Variants in SRGAP3 observed in about 807,000 individuals in gnomAD.
SRGAP3 encodes SLIT-ROBO Rho GTPase activating protein 3, also known as SLIT-ROBO Rho GTPase-activating protein 3.
In SRGAP3, 39 loss-of-function variants were observed where a neutral mutation model predicts 121.1. That is an observed-to-expected ratio of 0.32 (90% CI 0.25 to 0.42). The LOEUF (loss-of-function observed/expected upper bound fraction) is 0.42, where lower values mean the gene tolerates loss of function less well. Ranked by LOEUF, SRGAP3 falls within the 10% of genes least tolerant of loss-of-function variation. SRGAP3 has a pLI of 1.00. For missense variants in SRGAP3, 1,213 were observed against 1,470.6 expected (o/e 0.82, Z 2.86); for synonymous variants, 601 against 570.0 (o/e 1.05, Z -0.77).
intron 17 of SRGAP3, among the ~76,000 whole-genome samples, chr3:9,011,884 A>G (rs1288497746): frequency 6.6e-6 from 1 of 152,262 alleles, no homozygotes; most frequent in African/African-American, 2.4e-5. Context: ...AATAGGATTA[A>G]GAAAAGTGTG....
chr3:9,229,766 T>G (rs1013005065), intron 1 of SRGAP3, among the ~76,000 whole-genome samples: 1 of 152,218 alleles, frequency 6.6e-6, no homozygotes, highest in African/African-American at 2.4e-5. Flanking sequence ...GTAGCTTCTT[T>G]CAATGAGTGG....
intron 1 of SRGAP3, among the ~76,000 whole-genome samples, chr3:9,240,706 T>A (rs1953600284): frequency 6.6e-6 from 1 of 152,130 alleles, no homozygotes; most frequent in South Asian, 2.1e-4. Flanking sequence ...AATTTCCACA[T>A]CTGAAAAACA....
intron 1 of SRGAP3, among the ~76,000 whole-genome samples, chr3:9,138,960 C>T (rs185716850): frequency 6.7e-6 from 1 of 149,808 alleles, no homozygotes; most frequent in African/African-American, 2.5e-5. Context: ...CAGTAGTGCT[C>T]ATGCCTCATC....
intron 3 of SRGAP3, among the ~76,000 whole-genome samples, chr3:9,275,776 T>C (rs142137751): frequency 0.015 from 2,249 of 152,294 alleles, 27 homozygotes; most frequent in South Asian, 0.043. Context: ...AACCTCTTTT[T>C]CTTTAAAAAT....
chr3:9,138,982 G>C (rs577641326), intron 1 of SRGAP3, among the ~76,000 whole-genome samples: 1 of 152,170 alleles, frequency 6.6e-6, no homozygotes, highest in Non-Finnish European at 1.5e-5. Context: ...TCAAGAAACA[G>C]TGATTGGCCC....
At chr3:9,346,998 C>G (rs139336520) in intron 1 of SRGAP3, among the ~76,000 whole-genome samples, 1 of 151,934 alleles carries the variant, frequency 6.6e-6, no homozygotes, top group Non-Finnish European at 1.5e-5. Context: ...TCAGGTGATC[C>G]GCCCAGGCTA....
intron 3 of SRGAP3, among the ~76,000 whole-genome samples, chr3:9,313,114 C>T (rs1349611922): frequency 6.6e-6 from 1 of 152,226 alleles, no homozygotes; most frequent in African/African-American, 2.4e-5. Context: ...CAGCCACACT[C>T]CTCTCCCAAG....
intron 18 of SRGAP3, 87 bp downstream of exon 18, chr3:9,010,221 G>T: frequency 6.8e-7 from 1 of 1,470,728 alleles, no homozygotes; most frequent in Non-Finnish European, 9.5e-7. Context: ...AGAGGTCTAT[G>T]TGGGCCAGCC....
At position 9,095,621 on chromosome 3, in the gene SRGAP3, G is replaced by A. The variant is rs115075422; in HGVS notation, c.423+9059C>T. On this transcript the variant is annotated intron_variant, in intron 3 of 21. Transcript: ENST00000383836. The stretch of plus-strand genomic sequence containing the variant: ...CTTTGATCTGTAATGCACCACTGTC[G>A]TTTACCAAGTTTCCATTTATGGAGG... Among the ~76,000 whole-genome samples, 870 of 152,222 alleles carry A rather than the reference G, an allele frequency of 5.7e-3. 3 individuals are homozygous for A. The highest frequency in any genetic ancestry group is 0.014 in the Middle Eastern group (4 of 294).
chr3:9,285,876 G>C (rs190583411), intron 3 of SRGAP3, among the ~76,000 whole-genome samples: 1 of 152,240 alleles, frequency 6.6e-6, no homozygotes, highest in African/African-American at 2.4e-5. Context: ...GGGAGGCTGA[G>C]GTGGGAGGAT....
chr3:9,286,324 C>G (rs559875003), intron 3 of SRGAP3, among the ~76,000 whole-genome samples: 1 of 152,098 alleles, frequency 6.6e-6, no homozygotes, highest in Non-Finnish European at 1.5e-5. Context: ...AGCATGCCCC[C>G]CAACACACAC....
chr3:9,081,303 C>T (rs1947234927), intron 3 of SRGAP3: 2 of 456,528 alleles, frequency 4.4e-6, no homozygotes, highest in African/African-American at 2.0e-5. Flanking sequence ...CTCAAGATGT[C>T]TCTTCCAATG....
At chr3:9,097,584 C>T (rs771132715) in intron 3 of SRGAP3, among the ~76,000 whole-genome samples, 57 of 152,180 alleles carry the variant, frequency 3.7e-4, no homozygotes, top group Non-Finnish European at 5.6e-4. Context: ...GTGTGGATTC[C>T]GTCTCCCACC....
chr3:9,084,456 C>A (rs1342749956), intron 3 of SRGAP3, among the ~76,000 whole-genome samples: 1 of 152,162 alleles, frequency 6.6e-6, no homozygotes, highest in African/African-American at 2.4e-5. Flanking sequence ...GCATGTAGCC[C>A]AGTTGCTACC....
At chr3:9,328,867 T>A (rs922106629) in intron 2 of SRGAP3, among the ~76,000 whole-genome samples, 2 of 152,234 alleles carry the variant, frequency 1.3e-5, no homozygotes, top group Non-Finnish European at 2.9e-5. Flanking sequence ...CTACTCAAGA[T>A]AATTTTTAGA....
At chr3:9,155,973 G>A (rs1265430294) in intron 1 of SRGAP3, among the ~76,000 whole-genome samples, 4 of 152,004 alleles carry the variant, frequency 2.6e-5, no homozygotes, top group Non-Finnish European at 5.9e-5. Flanking sequence ...CCGCCACCAC[G>A]CCCCGCTAAT....
At position 8,994,488 on chromosome 3, in the gene SRGAP3, A is replaced by G; in HGVS notation, c.2263T>C (p.Tyr755His). The G allele has an allele frequency of 6.2e-7, 1 of 1,614,132 alleles. No individual in the cohort carries two copies. The highest frequency in any genetic ancestry group is 1.1e-5 in the South Asian group (1 of 91,086). ...AGCTCACGCGGGGACCGCCCCATGT[A>G]GTCAAACTTGGCAATAGCCTCGATC... ...EQIEAIAKFD[Y>H]MGRSPRELSF... Residue 755 changes from tyrosine (Y) to histidine (H), a missense_variant, in exon 19 of 22, where the codon TAC (tyrosine) becomes CAC (histidine). This residue lies in a region of SRGAP3 where 793 missense variants were observed against 1,032.9 expected (regional missense o/e 0.77). Transcript: ENST00000383836.
intron 1 of SRGAP3, among the ~76,000 whole-genome samples, chr3:9,191,092 T>G (rs1951739626): frequency 6.6e-6 from 1 of 152,158 alleles, no homozygotes; most frequent in Admixed American, 6.5e-5. Flanking sequence ...CACTCTGTCC[T>G]CAGTTCCCAG....
intron 3 of SRGAP3, among the ~76,000 whole-genome samples, chr3:9,274,527 C>T (rs535734014): frequency 5.3e-5 from 8 of 152,254 alleles, no homozygotes; most frequent in African/African-American, 1.7e-4. Context: ...CCCTGAAGCC[C>T]CAGAAGGAGC....
Sources: gnomAD v4.1 joint callset for allele counts (sites outside exome capture counted in the v4.1 genomes callset) on GRCh38, gnomAD v4.1.1 for gene constraint, gnomAD v4.1.1 regional missense constraint, MANE v1.5 for transcripts, NCBI Gene and HGNC (gene_info 2026-07-23, HGNC 2026-07-21) for gene names.